SMIM35: variants seen among roughly 807,000 people sequenced by gnomAD.
The protein encoded by SMIM35 is small integral membrane protein 35, also known as TMPRSS4 antisense RNA 1 (non-protein coding).
intron 1 of SMIM35, chr11:118,028,586 C>T (rs903008405): frequency 4.4e-6 from 1 of 225,888 alleles, no homozygotes; most frequent in African/African-American, 2.3e-5. Context: ...TATGCTTATT[C>T]GTATATAAAA....
intron 1 of SMIM35, among the ~76,000 whole-genome samples, chr11:118,081,345 C>T (rs1945112232): frequency 6.6e-6 from 1 of 152,172 alleles, no homozygotes; most frequent in South Asian, 2.1e-4. Flanking sequence ...AAGAGTGGGG[C>T]AGAGCCAATG....
chr11:118,037,202 G>A (rs1163989672), intron 1 of SMIM35, among the ~76,000 whole-genome samples: 2 of 152,198 alleles, frequency 1.3e-5, no homozygotes, highest in Non-Finnish European at 2.9e-5. Context: ...TAGCGGTTGT[G>A]CAGTTGAGAT....
intron 1 of SMIM35, among the ~76,000 whole-genome samples, chr11:118,054,875 C>T (rs1414802645): frequency 1.3e-5 from 2 of 149,836 alleles, no homozygotes; most frequent in Non-Finnish European, 3.0e-5. Context: ...CCGATCTCTG[C>T]TCACTACAAC....
At chr11:118,079,807 G>A (rs79784071) in intron 1 of SMIM35, among the ~76,000 whole-genome samples, 2,484 of 152,268 alleles carry the variant, frequency 0.016, 102 homozygotes, top group East Asian at 0.11. Flanking sequence ...AGCACTGCAG[G>A]GTCCACCCTG....
intron 1 of SMIM35, among the ~76,000 whole-genome samples, chr11:118,040,521 C>T (rs1355505409): frequency 1.3e-5 from 2 of 152,264 alleles, no homozygotes; most frequent in East Asian, 1.9e-4. Context: ...TGAAAGCAAA[C>T]TAAAGACTTT....
At chr11:118,085,913 T>C (rs1423318356) in intron 1 of SMIM35, among the ~76,000 whole-genome samples, 2 of 152,220 alleles carry the variant, frequency 1.3e-5, no homozygotes, top group Admixed American at 1.3e-4. Flanking sequence ...AAAGTAGAGC[T>C]GTTGAGAGTT....
intron 3 of SMIM35, among the ~76,000 whole-genome samples, chr11:118,014,243 T>C (rs187501997): frequency 9.8e-5 from 15 of 152,298 alleles, no homozygotes; most frequent in Admixed American, 7.8e-4. Context: ...TTGTACTCTT[T>C]GAAACTAATA....
In SMIM35 at chr11:118,013,947, C is replaced by T. The variant is rs927647919; in HGVS notation, c.159-67G>A. On this transcript the variant is annotated intron_variant, in intron 3 of 4. Transcript: ENST00000689828. ...TAGCCTCTCCCTGGGTCCCCATCTC[C>T]CTTGACTCCAGGGCACCAACTCACT... is the stretch of plus-strand genomic sequence containing the variant. 4 of 398,264 alleles carry T rather than the reference C, an allele frequency of 1.0e-5. No homozygotes were observed. The South Asian group carries it at 3.9e-4, about 39-fold the overall frequency. 24.7% of individuals were successfully genotyped at this position (398,264 alleles called of 1,614,324 possible). A position where few individuals can be genotyped will look rare whatever the true frequency, so the allele number is the denominator to read the frequency against.
chr11:118,049,579 C>T (rs1425528693), intron 1 of SMIM35, among the ~76,000 whole-genome samples: 3 of 151,914 alleles, frequency 2.0e-5, no homozygotes, highest in Admixed American at 2.0e-4. Flanking sequence ...GAACTCCTGA[C>T]CTCAGGTGAC....
intron 1 of SMIM35, among the ~76,000 whole-genome samples, chr11:118,034,626 C>T (rs1159363268): frequency 1.3e-5 from 2 of 152,172 alleles, no homozygotes; most frequent in Non-Finnish European, 2.9e-5. Flanking sequence ...TGGAGAATCG[C>T]CTGGGAGGCA....
intron 1 of SMIM35, chr11:118,025,872 C>G (rs1281814432): frequency 2.3e-6 from 1 of 428,242 alleles, no homozygotes; most frequent in Non-Finnish European, 4.6e-6. Context: ...TTGCCAAGGC[C>G]AATGTCCAGA....
chr11:118,051,282 G>A lies in SMIM35; in HGVS notation c.7+35469C>T, dbSNP rs575967828. 4.6e-5 allele frequency among the ~76,000 whole-genome samples: 7 copies of A among 152,322 alleles called. No homozygotes were observed. The South Asian group carries it at 6.2e-4, about 14-fold the overall frequency. The stretch of plus-strand genomic sequence containing the variant: ...GGAGTTTCTCACACTCAGGCACACA[G>A]CTTGCTCACCCACCCCTGGGTCTCC... On this transcript the variant is annotated intron_variant, in intron 1 of 4. Coordinates refer to ENST00000689828, the MANE Select transcript of SMIM35 (RefSeq NM_001394165.1).
intron 1 of SMIM35, among the ~76,000 whole-genome samples, chr11:118,019,073 AC>A (rs986120142): frequency 1.3e-5 from 2 of 152,038 alleles, no homozygotes; most frequent in Non-Finnish European, 2.9e-5. Flanking sequence ...TCTGCTGTAC[AC>A]CTTTTTTATA....
At chr11:118,006,893 G>T (rs1422648045) in intron 4 of SMIM35, among the ~76,000 whole-genome samples, 1 of 152,218 alleles carries the variant, frequency 6.6e-6, no homozygotes, top group Admixed American at 6.5e-5. Flanking sequence ...AGGGGATGTG[G>T]TCAAGAGACA....
At chr11:118,080,008 C>T (rs1386831582) in intron 1 of SMIM35, among the ~76,000 whole-genome samples, 4 of 152,154 alleles carry the variant, frequency 2.6e-5, no homozygotes, top group Admixed American at 6.5e-5. Context: ...TAACCACTCC[C>T]CCCCCACCAA....
At chr11:118,037,384 G>A (rs2135070931) in intron 1 of SMIM35, among the ~76,000 whole-genome samples, 1 of 152,316 alleles carries the variant, frequency 6.6e-6, no homozygotes, top group East Asian at 1.9e-4. Flanking sequence ...AGGGTCCAAA[G>A]AGGAGTAACA....
At chr11:118,068,676 C>T (rs929917960) in intron 1 of SMIM35, among the ~76,000 whole-genome samples, 2 of 152,316 alleles carry the variant, frequency 1.3e-5, no homozygotes, top group Non-Finnish European at 2.9e-5. Context: ...CAGGATGGTA[C>T]CTGCATGTGG....
chr11:118,054,006 T>A (rs1407990305), intron 1 of SMIM35, among the ~76,000 whole-genome samples: 3 of 152,190 alleles, frequency 2.0e-5, no homozygotes, highest in Non-Finnish European at 4.4e-5. Context: ...TTCCTTCCTT[T>A]TTCACTATTT....
At chr11:118,082,789 T>A (rs1318747679) in intron 1 of SMIM35, among the ~76,000 whole-genome samples, 2 of 152,110 alleles carry the variant, frequency 1.3e-5, no homozygotes. Context: ...TATAAGTGGA[T>A]CAGGCCTAGG....
Sources: gnomAD v4.1 joint callset for allele counts (sites outside exome capture counted in the v4.1 genomes callset) on GRCh38, gnomAD v4.1.1 for gene constraint, MANE v1.5 for transcripts, NCBI Gene and HGNC (gene_info 2026-07-23, HGNC 2026-07-21) for gene names.